Variants in CACNA2D3 observed in about 807,000 individuals in gnomAD.
CACNA2D3 encodes the protein voltage-dependent calcium channel subunit alpha-2/delta-3.
Under a neutral mutation model 160.6 loss-of-function variants are expected in CACNA2D3, and 60 were observed. The observed-to-expected ratio is 0.37, with a 90% CI of 0.30 to 0.46. The LOEUF (loss-of-function observed/expected upper bound fraction) is 0.46. Ranked by LOEUF, CACNA2D3 falls within the 20% of genes least tolerant of loss-of-function variation. The probability of loss-of-function intolerance (pLI) is 1.00; values close to 1 mark genes in which losing one functional copy is unlikely to be tolerated. For synonymous variants in CACNA2D3, 558 were observed against 492.9 expected (o/e 1.13, Z -1.75); for missense variants, 1,205 against 1,365.0 (o/e 0.88, Z 1.85).
At chr3:54,576,003 A>G (rs1702575382) in intron 8 of CACNA2D3, among the ~76,000 whole-genome samples, 1 of 152,158 alleles carries the variant, frequency 6.6e-6, no homozygotes, top group South Asian at 2.1e-4. Context: ...GGCAAGCCAG[A>G]TCGAACCAGT....
At chr3:54,194,780 C>T (rs1701048553) in intron 2 of CACNA2D3, among the ~76,000 whole-genome samples, 1 of 152,164 alleles carries the variant, frequency 6.6e-6, no homozygotes, top group African/African-American at 2.4e-5. Context: ...CCCTCAAGCC[C>T]TTTTATAAGG....
At chr3:54,521,822 T>G (rs1267770962) in intron 5 of CACNA2D3, among the ~76,000 whole-genome samples, 1 of 152,146 alleles carries the variant, frequency 6.6e-6, no homozygotes, top group Non-Finnish European at 1.5e-5. Flanking sequence ...GACTGTTCTT[T>G]CCCCCATTGA....
intron 2 of CACNA2D3, among the ~76,000 whole-genome samples, chr3:54,264,793 G>A (rs1702470053): frequency 6.6e-6 from 1 of 152,136 alleles, no homozygotes; most frequent in South Asian, 2.1e-4. Context: ...ACACTACCAA[G>A]TTTTCTTTCA....
intron 4 of CACNA2D3, among the ~76,000 whole-genome samples, chr3:54,445,588 A>ACACACACACACT (rs887967244): frequency 6.6e-6 from 1 of 150,438 alleles, no homozygotes; most frequent in Non-Finnish European, 1.5e-5. Flanking sequence ...ACACACACAC[A>ACACACACACACT]CTCATGTGAA....
At chr3:54,461,888 C>T (rs1396684896) in intron 4 of CACNA2D3, among the ~76,000 whole-genome samples, 6 of 152,068 alleles carry the variant, frequency 3.9e-5, no homozygotes, top group East Asian at 1.9e-4. Flanking sequence ...ATTTTGGATC[C>T]TTCCTGCTTT....
chr3:54,423,505 T>C (rs1699868493), intron 4 of CACNA2D3, among the ~76,000 whole-genome samples: 1 of 152,186 alleles, frequency 6.6e-6, no homozygotes, highest in South Asian at 2.1e-4. Context: ...TGATTCGCTA[T>C]GCTCTGAATT....
intron 13 of CACNA2D3, among the ~76,000 whole-genome samples, chr3:54,788,021 A>G (rs1202977344): frequency 6.6e-6 from 1 of 152,150 alleles, no homozygotes; most frequent in Non-Finnish European, 1.5e-5. Context: ...GCAACTTCCT[A>G]ATCATTGCTG....
chr3:54,292,457 C>G (rs967098553), intron 2 of CACNA2D3, among the ~76,000 whole-genome samples: 7 of 151,706 alleles, frequency 4.6e-5, no homozygotes, highest in African/African-American at 1.7e-4. Flanking sequence ...TAGAATATAC[C>G]AAAAACCCTT....
At chr3:54,166,315 C>G (rs1275343771) in intron 2 of CACNA2D3, among the ~76,000 whole-genome samples, 1 of 152,210 alleles carries the variant, frequency 6.6e-6, no homozygotes, top group East Asian at 1.9e-4. Context: ...CCGAGGCTGA[C>G]AGCTCTAAAT....
chr3:54,692,224 T>C (rs1365449121), intron 11 of CACNA2D3, among the ~76,000 whole-genome samples: 1 of 152,238 alleles, frequency 6.6e-6, no homozygotes, highest in Non-Finnish European at 1.5e-5. Context: ...TCCACCTGCC[T>C]TGGCCTCCCA....
intron 29 of CACNA2D3, among the ~76,000 whole-genome samples, chr3:54,978,106 G>A (rs114510113): frequency 5.9e-4 from 90 of 152,238 alleles, no homozygotes; most frequent in African/African-American, 2.2e-3. Context: ...GTTTTAGCCA[G>A]CTTCTTTACT....
At chr3:54,285,035 A>G (rs1702975730) in intron 2 of CACNA2D3, among the ~76,000 whole-genome samples, 1 of 152,178 alleles carries the variant, frequency 6.6e-6, no homozygotes, top group African/African-American at 2.4e-5. Flanking sequence ...CTGCATTTCC[A>G]TCTGAGGTAC....
At chr3:54,553,400 T>G (rs1370108520) in intron 5 of CACNA2D3, among the ~76,000 whole-genome samples, 1 of 152,186 alleles carries the variant, frequency 6.6e-6, no homozygotes, top group Non-Finnish European at 1.5e-5. Flanking sequence ...AGAAAACTCC[T>G]GCGTGGGCTC....
intron 4 of CACNA2D3, among the ~76,000 whole-genome samples, chr3:54,499,586 C>T (rs1167230365): frequency 6.6e-6 from 1 of 152,052 alleles, no homozygotes; most frequent in Non-Finnish European, 1.5e-5. Flanking sequence ...TGCTACATCC[C>T]ACACCTTTTG....
intron 29 of CACNA2D3, among the ~76,000 whole-genome samples, chr3:54,970,875 TATAA>T (rs2107074035): frequency 6.6e-6 from 1 of 152,044 alleles, no homozygotes; most frequent in South Asian, 2.1e-4. Flanking sequence ...AACTAGACCT[TATAA>T]ATAGTCACAT....
At chr3:54,456,598 T>C (rs1314730262) in intron 4 of CACNA2D3, among the ~76,000 whole-genome samples, 1 of 152,016 alleles carries the variant, frequency 6.6e-6, no homozygotes, top group Non-Finnish European at 1.5e-5. Flanking sequence ...TTGTCTGGTA[T>C]TGTAACAGGG....
chr3:54,882,125 CA>C (rs1699812554), intron 21 of CACNA2D3, among the ~76,000 whole-genome samples: 1 of 152,228 alleles, frequency 6.6e-6, no homozygotes, highest in South Asian at 2.1e-4. Flanking sequence ...TTGAGCAAGA[CA>C]CTCTGCAGGA....
chr3:54,590,264 A>G (rs963189121), intron 9 of CACNA2D3, among the ~76,000 whole-genome samples: 1 of 152,214 alleles, frequency 6.6e-6, no homozygotes, highest in Non-Finnish European at 1.5e-5. Context: ...ACATCCAAGA[A>G]TGTAAATGAA....
Position 54,256,932 on chromosome 3 carries a change from G to A in CACNA2D3, c.205-63510G>A, listed in dbSNP as rs950445941. On this transcript the variant is annotated intron_variant, in intron 2 of 37. Transcript: ENST00000474759. ...TTCCACATTATTTGTCGCACTTTTT[G>A]GGTCAGTGCTGGCACTTTATAAATC... Among the ~76,000 whole-genome samples, 34 of 152,276 alleles carry A rather than the reference G, an allele frequency of 2.2e-4. 2 individuals carry two copies. The Middle Eastern group carries it at 0.014, about 61-fold the overall frequency.
Sources: allele counts gnomAD v4.1 joint callset (sites outside exome capture counted in the v4.1 genomes callset), GRCh38; gene constraint gnomAD v4.1.1; transcripts MANE v1.5; gene names NCBI Gene and HGNC (gene_info 2026-07-23, HGNC 2026-07-21).